The following ADGRL2 variants were observed in gnomAD, a reference collection of about 807,000 sequenced individuals.
ADGRL2 encodes adhesion G protein-coupled receptor L2.
ADGRL2 carries 44 observed loss-of-function variants against 157.4 expected under a neutral mutation model. The ratio of observed to expected loss-of-function variants is 0.28; its 90% CI spans 0.22 to 0.36. The LOEUF (loss-of-function observed/expected upper bound fraction) is 0.36. ADGRL2 is among the 10% of genes least tolerant of loss of function. The pLI is 1.00. For missense variants in ADGRL2, 1,510 were observed against 1,768.9 expected, an observed-to-expected ratio of 0.85 and a Z score of 2.63; for synonymous variants, 585 against 624.7, an observed-to-expected ratio of 0.94 and a Z score of 0.95.
chr1:81,826,038 A>G (rs1482713162), intron 1 of ADGRL2, among the ~76,000 whole-genome samples: 2 of 152,212 alleles, frequency 1.3e-5, no homozygotes, highest in African/African-American at 2.4e-5. Flanking sequence ...TTTAAAATGA[A>G]GTACCTTTTG....
intron 1 of ADGRL2, among the ~76,000 whole-genome samples, chr1:81,806,512 AG>A (rs763673018): frequency 2.6e-5 from 4 of 152,050 alleles, no homozygotes; most frequent in Non-Finnish European, 4.4e-5. Context: ...ATAGCGTTTT[AG>A]TATCTTAATA....
chr1:81,690,746 C>T (rs753220808), intron 3 of ADGRL2, among the ~76,000 whole-genome samples: 1 of 152,076 alleles, frequency 6.6e-6, no homozygotes, highest in East Asian at 1.9e-4. Context: ...CTAGGCAAAC[C>T]TACACTTTTC....
intron 3 of ADGRL2, among the ~76,000 whole-genome samples, chr1:81,622,989 A>G (rs555235091): frequency 2.6e-5 from 4 of 152,220 alleles, no homozygotes; most frequent in Non-Finnish European, 5.9e-5. Context: ...GTGGTCATCA[A>G]TGTTACTCTG....
intron 2 of ADGRL2, among the ~76,000 whole-genome samples, chr1:81,480,440 T>C (rs2078361145): frequency 6.6e-6 from 1 of 152,192 alleles, no homozygotes; most frequent in Non-Finnish European, 1.5e-5. Flanking sequence ...AAGAACTATA[T>C]GATGTTTATT....
In ADGRL2 at chr1:81,950,245, T is replaced by G. The variant is rs1274932787; in HGVS notation, c.1267T>G (p.Ser423Ala). 6.2e-7 allele frequency: 1 copy of G among 1,613,984 alleles called. No homozygotes were observed. ...AGCTGAGCTGTTCAAAACCATAATA[T>G]CAACCACAAGCACTACTTCACAGAA... Reference protein sequence around the residue: ...SSAELFKTIISTTSTTSQKGP... With the variant: ...SSAELFKTIIATTSTTSQKGP... The change falls in exon 7 of 24, where the codon TCA becomes GCA. Residue 423 changes from serine (S) to alanine (A), a missense_variant. Coordinates refer to ENST00000686636, the MANE Select transcript of ADGRL2 (RefSeq NM_001366006.2).
intron 1 of ADGRL2, among the ~76,000 whole-genome samples, chr1:81,344,795 T>C (rs1662360624): frequency 6.6e-6 from 1 of 152,126 alleles, no homozygotes; most frequent in Non-Finnish European, 1.5e-5. Context: ...ATTTTCCAAT[T>C]TGGCAAAGAA....
intron 2 of ADGRL2, among the ~76,000 whole-genome samples, chr1:81,892,405 T>A (rs538967037): frequency 6.6e-6 from 1 of 152,138 alleles, no homozygotes; most frequent in Non-Finnish European, 1.5e-5. Context: ...ACCTAATTAT[T>A]TCCCCACCCA....
chr1:81,529,359 A>C (rs907929920), intron 2 of ADGRL2, among the ~76,000 whole-genome samples: 6 of 152,222 alleles, frequency 3.9e-5, no homozygotes, highest in Non-Finnish European at 7.3e-5. Flanking sequence ...GGCAGGGGCC[A>C]GGAGAATAGG....
chr1:81,739,212 T>C (rs572758428), intron 1 of ADGRL2, among the ~76,000 whole-genome samples: 1 of 152,336 alleles, frequency 6.6e-6, no homozygotes, highest in East Asian at 1.9e-4. Flanking sequence ...AGATGCAGTC[T>C]CTGGAGTCAA....
chr1:81,753,721 G>T (rs933556047), intron 1 of ADGRL2, among the ~76,000 whole-genome samples: 20 of 152,192 alleles, frequency 1.3e-4, no homozygotes, highest in Non-Finnish European at 5.9e-5. Context: ...GTAAGCTCAT[G>T]AAGTGGAATA....
chr1:81,990,716 G>A lies in ADGRL2; in HGVS notation c.3981G>A (p.Glu1327=). The change falls in exon 24 of 24, where the codon GAG becomes GAA. Residue 1327 remains glutamate (E), a synonymous_variant. Coordinates refer to ENST00000686636, the MANE Select transcript of ADGRL2 (RefSeq NM_001366006.2). ...SLMHSDNPGL[E]LHHKELEAPL... ...TGCACAGCGACAACCCAGGGCTGGA[G>A]CTCCATCACAAAGAACTCGAGGCAC... 4 of 1,614,122 alleles carry A rather than the reference G, an allele frequency of 2.5e-6. No individual in the cohort carries two copies. The highest frequency in any genetic ancestry group is 2.2e-5 in the South Asian group (2 of 91,086).
At chr1:81,543,222 G>C (rs78554216) in intron 2 of ADGRL2, among the ~76,000 whole-genome samples, 2,984 of 152,022 alleles carry the variant, frequency 0.02, 94 homozygotes, top group African/African-American at 0.069. Flanking sequence ...GGTGGTATTA[G>C]GAAATGGGGC....
chr1:81,979,016 GCCT>G (rs1334003602), intron 17 of ADGRL2, among the ~76,000 whole-genome samples: 2 of 151,618 alleles, frequency 1.3e-5, no homozygotes, highest in African/African-American at 2.4e-5. Context: ...AAATGGAACT[GCCT>G]CCTCTTCTTC....
At chr1:81,655,067 T>C (rs2082500715) in intron 3 of ADGRL2, among the ~76,000 whole-genome samples, 2 of 152,174 alleles carry the variant, frequency 1.3e-5, no homozygotes, top group South Asian at 4.1e-4. Flanking sequence ...CCCCCTGCGA[T>C]GGGGGTCCTA....
intron 2 of ADGRL2, among the ~76,000 whole-genome samples, chr1:81,568,254 C>G (rs767181751): frequency 2.6e-5 from 4 of 152,074 alleles, no homozygotes; most frequent in African/African-American, 9.7e-5. Flanking sequence ...ACTTTCTTGA[C>G]CTTAGCCTGT....
intron 1 of ADGRL2, among the ~76,000 whole-genome samples, chr1:81,802,053 G>A (rs141243198): frequency 0.11 from 16,160 of 150,390 alleles, 1,003 homozygotes; most frequent in Admixed American, 0.18. Flanking sequence ...GCCGAGCTGC[G>A]GCGCCGTGTC....
Position 81,425,779 on chromosome 1 carries a change from G to C in ADGRL2, c.-301-19257G>C, listed in dbSNP as rs2077202394. The stretch of plus-strand genomic sequence containing the variant: ...GGGGGTCTGAGTCACCCCATGGTGA[G>C]TACCAGAAACTATAGGGGAGAAAAA... On this transcript the variant is annotated intron_variant, in intron 1 of 24. Transcript: ENST00000370721. Among the ~76,000 whole-genome samples, 3 of 152,120 alleles carry C rather than the reference G, an allele frequency of 2.0e-5. No homozygotes were observed. In the South Asian group the frequency reaches 6.2e-4, roughly 31 times the overall value.
At chr1:81,885,281 A>G (rs1294821069) in intron 2 of ADGRL2, among the ~76,000 whole-genome samples, 4 of 152,206 alleles carry the variant, frequency 2.6e-5, no homozygotes, top group South Asian at 4.1e-4. Context: ...TATTTTATAT[A>G]TGACTCTTTT....
intron 1 of ADGRL2, among the ~76,000 whole-genome samples, chr1:81,369,511 A>G (rs2076125584): frequency 6.6e-6 from 1 of 152,146 alleles, no homozygotes; most frequent in African/African-American, 2.4e-5. Context: ...CAAAACATTC[A>G]GATGTAGTCT....
Sources: allele counts gnomAD v4.1 joint callset (sites outside exome capture counted in the v4.1 genomes callset), GRCh38; gene constraint gnomAD v4.1.1; transcripts MANE v1.5; gene names NCBI Gene and HGNC (gene_info 2026-07-23, HGNC 2026-07-21).